NUP153: variants seen among roughly 807,000 people sequenced by gnomAD.
The protein encoded by NUP153 is nuclear pore complex protein Nup153.
NUP153 carries 27 observed loss-of-function variants against 134.6 expected under a neutral mutation model. That is an observed-to-expected ratio of 0.20 (90% CI 0.15 to 0.28). The LOEUF (loss-of-function observed/expected upper bound fraction) is 0.28. Ranked by LOEUF, NUP153 falls within the 10% of genes least tolerant of loss-of-function variation. NUP153 has a pLI of 1.00. For missense variants in NUP153, 1,821 were observed against 1,731.3 expected (o/e 1.05, Z -0.92); for synonymous variants, 640 against 623.5 (o/e 1.03, Z -0.40).
chr6:17,693,255 C>T (rs1447278806), intron 1 of NUP153, among the ~76,000 whole-genome samples: 3 of 151,658 alleles, frequency 2.0e-5, no homozygotes, highest in Admixed American at 6.6e-5. Flanking sequence ...CTGGTATCCA[C>T]TTGCCCTTTT....
Position 17,637,748 on chromosome 6 carries a change from A to G in NUP153, c.1869T>C (p.Asp623=), listed in dbSNP as rs61748574. 1.2e-5 allele frequency: 20 copies of G among 1,602,560 alleles called. No individual in the cohort carries two copies. The highest frequency in any genetic ancestry group is 1.6e-5 in the Non-Finnish European group (19 of 1,179,242). ...TTGCGGTGGGCTGAGCAGCAACAGAATCTATCTTCGGCGATGCGAAACCTA... is the reference window on the plus strand; with the variant it reads ...TTGCGGTGGGCTGAGCAGCAACAGAGTCTATCTTCGGCGATGCGAAACCTA... ...KSPGFASPKI[D]SVAAQPTATS... Residue 623 remains aspartate, a synonymous_variant, in exon 16 of 22, where the codon GAT becomes GAC. Transcript: ENST00000262077.
At position 17,637,233 on chromosome 6, in the gene NUP153, C is replaced by A. The variant is rs778385534; in HGVS notation, c.2384G>T (p.Gly795Val). 6.8e-6 allele frequency: 11 copies of A among 1,614,172 alleles called. 1 individual carries two copies. In the South Asian group the frequency reaches 1.2e-4, roughly 18 times the overall value. The change falls in exon 16 of 22, where the codon GGA becomes GTA. Residue 795 changes from glycine to valine, a missense_variant. By Grantham distance (109) the Gly-to-Val change is moderately radical. Coordinates refer to ENST00000262077, the MANE Select transcript of NUP153 (RefSeq NM_005124.4). ...ACAGCATACTGAACACTCCCAAGAT[C>A]CAATGGGCCTTTTGAATTTATCTCC... ...GFGDKFKRPI[G>V]SWECSVCCVS...
chr6:17,640,089 CATT>C lies in NUP153; in HGVS notation c.1721-28_1721-26del, dbSNP rs756717719. 2.3e-5 allele frequency: 35 copies of C among 1,499,688 alleles called. No homozygotes were observed. In the South Asian group the frequency reaches 3.7e-4, roughly 16 times the overall value. The allele number at this position is 1,499,688 out of a possible 1,614,324, so 92.9% of individuals were successfully genotyped here. Reference sequence around the variant, plus strand: ...GCTGTAATTTTTTTAAATTTAATAACATTATGCCAAATAAAACACTGGACTCTC... The same window carrying C: ...GCTGTAATTTTTTTAAATTTAATAACATGCCAAATAAAACACTGGACTCTC... On this transcript the variant is annotated intron_variant, in intron 14 of 21. Coordinates refer to ENST00000262077, the MANE Select transcript of NUP153 (RefSeq NM_005124.4).
chr6:17,652,704 T>G (rs2113803969), intron 11 of NUP153, among the ~76,000 whole-genome samples: 1 of 152,128 alleles, frequency 6.6e-6, no homozygotes, highest in Middle Eastern at 3.4e-3. Context: ...GGTCCAAAAT[T>G]TATAAAGACC....
At chr6:17,695,872 G>T (rs1403488639) in intron 1 of NUP153, among the ~76,000 whole-genome samples, 1 of 152,112 alleles carries the variant, frequency 6.6e-6, no homozygotes, top group Non-Finnish European at 1.5e-5. Context: ...AGCTGGACAT[G>T]GTGGCGGGCA....
intron 2 of NUP153, among the ~76,000 whole-genome samples, chr6:17,687,016 T>A (rs774708827): frequency 1.3e-5 from 2 of 152,128 alleles, no homozygotes; most frequent in African/African-American, 4.8e-5. Context: ...TAAGGACATG[T>A]AACAGAAAAT....
chr6:17,646,208 G>C, intron 13 of NUP153, 54 bp from the exon 14 acceptor site: 2 of 962,070 alleles, frequency 2.1e-6, no homozygotes, highest in South Asian at 2.8e-5. Flanking sequence ...ATCAAATATA[G>C]AGCTTTTTTA....
intron 17 of NUP153, among the ~76,000 whole-genome samples, chr6:17,632,145 CAGTA>C (rs1399906938): frequency 6.6e-6 from 1 of 151,798 alleles, no homozygotes; most frequent in Non-Finnish European, 1.5e-5. Context: ...AAATAAAAGT[CAGTA>C]AGTTCATCTG....
At chr6:17,636,516 A>T (rs1489743243) in intron 16 of NUP153, among the ~76,000 whole-genome samples, 3 of 152,176 alleles carry the variant, frequency 2.0e-5, no homozygotes, top group African/African-American at 7.2e-5. Context: ...TGTAATTCCC[A>T]GGATATCCAT....
chr6:17,665,717 G>GA (rs1561887496), intron 8 of NUP153, among the ~76,000 whole-genome samples: 1 of 147,730 alleles, frequency 6.8e-6, no homozygotes, highest in African/African-American at 2.5e-5. Context: ...ACCTTTTACA[G>GA]TTTTTTGTTT....
intron 2 of NUP153, among the ~76,000 whole-genome samples, chr6:17,678,173 C>T (rs887422010): frequency 9.9e-5 from 15 of 151,576 alleles, no homozygotes; most frequent in Admixed American, 6.6e-5. Flanking sequence ...CTGGCCAACA[C>T]GGCAAAATCC....
intron 18 of NUP153, among the ~76,000 whole-genome samples, chr6:17,626,469 T>TA (rs1764956363): frequency 6.6e-6 from 1 of 152,174 alleles, no homozygotes; most frequent in South Asian, 2.1e-4. Context: ...ATAGCAAGCT[T>TA]AGATAGTGGA....
intron 8 of NUP153, among the ~76,000 whole-genome samples, chr6:17,666,768 T>C (rs1224648048): frequency 2.0e-5 from 3 of 152,238 alleles, no homozygotes; most frequent in South Asian, 4.1e-4. Context: ...CCTGTTGGTA[T>C]AAAACCACTA....
rs769795854 is a variant in NUP153 at position 17,675,039 on chromosome 6, C to A, written c.724-6G>T. On this transcript the variant is annotated splice_region_variant and splice_polypyrimidine_tract_variant and intron_variant, in intron 4 of 21. Coordinates refer to ENST00000262077, the MANE Select transcript of NUP153 (RefSeq NM_005124.4). This position sits in a 1 kb window ranked among gnomAD's most constrained non-coding sequence, Gnocchi z 4.4. ...ATTGAAGAATTCCCAAGTGACTGCA[C>A]AGAAACAGAATGATAAATTATAAGC... is the stretch of plus-strand genomic sequence containing the variant. The A allele has an allele frequency of 3.7e-6, 6 of 1,611,490 alleles. No individual in the cohort carries two copies. The African/African-American group carries it at 5.4e-5, about 14-fold the overall frequency.
rs1199984673 is a variant in NUP153, at chr6:17,706,431, CGGGAGA to C, written c.-50_-45del. On this transcript the variant is annotated 5_prime_UTR_variant, in exon 1 of 22. Coordinates refer to ENST00000262077, the MANE Select transcript of NUP153 (RefSeq NM_005124.4). This position sits in a 1 kb window ranked among gnomAD's most constrained non-coding sequence, Gnocchi z 5.9. ...TCCCGCTCCGGGGCGGGTAAGGGGG[CGGGAGA>C]GGCAGAGGCGGAGGCCTTAGAGAGC... 63 of 1,514,192 alleles carry C rather than the reference CGGGAGA, an allele frequency of 4.2e-5. No homozygotes were observed. Among genetic ancestry groups the C allele is most frequent in the Non-Finnish European group, 5.5e-5 (61 of 1,100,424 alleles). 93.8% of individuals were successfully genotyped at this position (1,514,192 alleles called of 1,614,324 possible). A position where few individuals can be genotyped will look rare whatever the true frequency, so the allele number is the denominator to read the frequency against.
At chr6:17,705,536 G>A (rs973127921) in intron 1 of NUP153, among the ~76,000 whole-genome samples, 1 of 145,992 alleles carries the variant, frequency 6.8e-6, no homozygotes, top group African/African-American at 2.5e-5. Flanking sequence ...GGTCAACTGT[G>A]GAGAATGGCC....
rs1765098513 is a variant in NUP153, at chr6:17,629,123, T to A, written c.3076A>T (p.Thr1026Ser). The A allele has an allele frequency of 6.2e-7, 1 of 1,613,840 alleles. No individual in the cohort carries two copies. The highest frequency in any genetic ancestry group is 1.3e-5 in the African/African-American group (1 of 74,902). Residue 1026 changes from threonine to serine, a missense_variant, in exon 18 of 22, where the codon ACA becomes TCA. Coordinates refer to ENST00000262077, the MANE Select transcript of NUP153 (RefSeq NM_005124.4). ...KSSSAGFSFG[T>S]GVINSTPAPA... ...GCAGGGGTGGAGTTAATAACACCTGTACCAAAGCTAAAACCTGCAGAGGAA... is the reference window on the plus strand; with the variant it reads ...GCAGGGGTGGAGTTAATAACACCTGAACCAAAGCTAAAACCTGCAGAGGAA...
intron 11 of NUP153, chr6:17,651,962 G>A: frequency 1.7e-6 from 1 of 593,148 alleles, no homozygotes. Flanking sequence ...AGGTATGATG[G>A]CACATGCCTG....
At chr6:17,633,212 A>G (rs1281633075) in intron 16 of NUP153, among the ~76,000 whole-genome samples, 1 of 152,196 alleles carries the variant, frequency 6.6e-6, no homozygotes, top group East Asian at 1.9e-4. Flanking sequence ...ATCTTTTTCA[A>G]ATTTCTTCAA....
Sources: gnomAD v4.1 joint callset for allele counts (sites outside exome capture counted in the v4.1 genomes callset) on GRCh38, gnomAD v4.1.1 for gene constraint, Gnocchi (gnomAD v3.1) non-coding constraint, MANE v1.5 for transcripts, NCBI Gene and HGNC (gene_info 2026-07-23, HGNC 2026-07-21) for gene names.